ARHGEF38: variants seen among roughly 807,000 people sequenced by gnomAD.
ARHGEF38 encodes the protein Rho guanine nucleotide exchange factor (GEF) 38.
In ARHGEF38, 79 loss-of-function variants were observed where a neutral mutation model predicts 79.9. That is an observed-to-expected ratio of 0.99 (90% confidence interval 0.82 to 1.19). ARHGEF38 has a LOEUF of 1.19. Ranked by LOEUF, ARHGEF38 falls within the 50% of genes most tolerant of loss-of-function variation. The pLI is 0.00. For synonymous variants in ARHGEF38, 366 were observed against 328.3 expected (o/e 1.11, Z -1.24); for missense variants, 962 against 907.2 (o/e 1.06, Z -0.78).
chr4:105,578,080 T>C (rs890353119), intron 1 of ARHGEF38, among the ~76,000 whole-genome samples: 21 of 152,174 alleles, frequency 1.4e-4, no homozygotes, highest in African/African-American at 4.8e-4. Flanking sequence ...ACTTTCCTTT[T>C]AGTGTTCCTT....
chr4:105,644,347 A>G (rs569686125), intron 5 of ARHGEF38, among the ~76,000 whole-genome samples: 1 of 152,328 alleles, frequency 6.6e-6, no homozygotes, highest in African/African-American at 2.4e-5. Context: ...TCTACAGTGT[A>G]TCTTTATTGG....
intron 1 of ARHGEF38, among the ~76,000 whole-genome samples, chr4:105,565,053 A>G (rs1291840624): frequency 6.6e-6 from 1 of 152,226 alleles, no homozygotes; most frequent in African/African-American, 2.4e-5. Context: ...GAGCCTGTAA[A>G]TTCAAACCAA....
chr4:105,628,434 T>A (rs1037911340), intron 3 of ARHGEF38, among the ~76,000 whole-genome samples: 1 of 152,224 alleles, frequency 6.6e-6, no homozygotes, highest in Admixed American at 6.5e-5. Flanking sequence ...CTGGTTCTGC[T>A]ACTGGGAGGC....
intron 3 of ARHGEF38, among the ~76,000 whole-genome samples, chr4:105,623,784 A>G (rs1469173110): frequency 6.6e-6 from 1 of 152,340 alleles, no homozygotes; most frequent in East Asian, 1.9e-4. Flanking sequence ...GGACACTCTC[A>G]GAAGGGACTC....
chr4:105,582,893 G>A (rs1168001781), intron 1 of ARHGEF38, among the ~76,000 whole-genome samples: 1 of 152,088 alleles, frequency 6.6e-6, no homozygotes, highest in Non-Finnish European at 1.5e-5. Context: ...TCACTATATA[G>A]TGCCCACTTT....
At chr4:105,559,050 G>GA (rs397820180) in intron 1 of ARHGEF38, among the ~76,000 whole-genome samples, 93,354 of 147,386 alleles carry the variant, frequency 0.63, 29,837 homozygotes, top group Non-Finnish European at 0.71. Context: ...CACAGGAAAA[G>GA]AAAAAAAAAA....
intron 1 of ARHGEF38, among the ~76,000 whole-genome samples, chr4:105,581,912 T>C (rs199325): frequency 0.54 from 82,312 of 151,812 alleles, 24,139 homozygotes; most frequent in South Asian, 0.77. Flanking sequence ...ACGCTTGTAA[T>C]CCCAGCACTT....
At chr4:105,575,546 A>G (rs1180235744) in intron 1 of ARHGEF38, among the ~76,000 whole-genome samples, 1 of 152,122 alleles carries the variant, frequency 6.6e-6, no homozygotes, top group East Asian at 1.9e-4. Context: ...TAGATTCTGG[A>G]TATTAGTCCT....
At chr4:105,605,063 G>A (rs1252918173) in intron 2 of ARHGEF38, among the ~76,000 whole-genome samples, 1 of 151,998 alleles carries the variant, frequency 6.6e-6, no homozygotes, top group East Asian at 1.9e-4. Flanking sequence ...GTTTGTCTTT[G>A]GAACATTTCA....
At chr4:105,674,071 G>A (rs1731042731) in intron 13 of ARHGEF38, among the ~76,000 whole-genome samples, 1 of 152,128 alleles carries the variant, frequency 6.6e-6, no homozygotes, top group Non-Finnish European at 1.5e-5. Flanking sequence ...ATTCAGTGAA[G>A]TCAGGTAATG....
intron 1 of ARHGEF38, among the ~76,000 whole-genome samples, chr4:105,587,821 A>G (rs1727130930): frequency 6.6e-6 from 1 of 152,134 alleles, no homozygotes; most frequent in Non-Finnish European, 1.5e-5. Flanking sequence ...GTGGTTTTGG[A>G]TGCTATTTGT....
chr4:105,576,347 T>C (rs1726497513), intron 1 of ARHGEF38, among the ~76,000 whole-genome samples: 4 of 152,102 alleles, frequency 2.6e-5, no homozygotes, highest in Admixed American at 2.6e-4. Flanking sequence ...TAGTTCTCTT[T>C]GTAGAGAATT....
At chr4:105,613,075 A>C (rs1459890985) in intron 2 of ARHGEF38, among the ~76,000 whole-genome samples, 1 of 152,172 alleles carries the variant, frequency 6.6e-6, no homozygotes, top group Non-Finnish European at 1.5e-5. Flanking sequence ...ACACTAGTAC[A>C]TATCCTCATA....
At position 105,667,434 on chromosome 4, in the gene ARHGEF38, T is replaced by A; in HGVS notation, c.1889-10T>A. On this transcript the variant is annotated splice_polypyrimidine_tract_variant and intron_variant, in intron 12 of 13. Coordinates refer to ENST00000420470, the MANE Select transcript of ARHGEF38 (RefSeq NM_001242729.2). ...AACTTGGTTCTTCTTTCTTTTTATT[T>A]CCTATCCAGATGTGAAAGGATATGT... is the stretch of plus-strand genomic sequence containing the variant. The A allele has an allele frequency of 6.5e-7, 1 of 1,535,538 alleles. No homozygotes were observed. The highest frequency in any genetic ancestry group is 1.2e-5 in the South Asian group (1 of 84,014).
At chr4:105,633,720 A>G (rs1043231339) in intron 4 of ARHGEF38, among the ~76,000 whole-genome samples, 1 of 152,208 alleles carries the variant, frequency 6.6e-6, no homozygotes, top group Admixed American at 6.6e-5. Flanking sequence ...ATTTAATAAG[A>G]GTGCTAAATA....
rs924211802 is a variant in ARHGEF38, at chr4:105,664,937, C to A, written c.1546-1240C>A. Among the ~76,000 whole-genome samples the A allele has an allele frequency of 2.0e-5, 3 of 152,070 alleles. No individual in the cohort carries two copies. The East Asian group carries it at 5.8e-4, about 29-fold the overall frequency. Reference sequence around the variant, plus strand: ...CCATTCTAATTTCCTACAGGTGCTCCTTAATGATGGATTGATTGAATCCAT... The same window carrying A: ...CCATTCTAATTTCCTACAGGTGCTCATTAATGATGGATTGATTGAATCCAT... On this transcript the variant is annotated intron_variant, in intron 10 of 13. Coordinates refer to ENST00000420470, the MANE Select transcript of ARHGEF38 (RefSeq NM_001242729.2).
chr4:105,619,912 G>A (rs1302020390), intron 3 of ARHGEF38, among the ~76,000 whole-genome samples: 1 of 152,164 alleles, frequency 6.6e-6, no homozygotes, highest in Non-Finnish European at 1.5e-5. Context: ...AAAAGCACAG[G>A]TGTCCCATTT....
At chr4:105,666,631 C>T (rs1334354769) in intron 11 of ARHGEF38, among the ~76,000 whole-genome samples, 1 of 152,108 alleles carries the variant, frequency 6.6e-6, no homozygotes, top group Non-Finnish European at 1.5e-5. Context: ...ATAGTCCAGA[C>T]ATTTCCTTTT....
At chr4:105,584,534 T>C (rs1726939066) in intron 1 of ARHGEF38, among the ~76,000 whole-genome samples, 3 of 152,144 alleles carry the variant, frequency 2.0e-5, no homozygotes, top group Admixed American at 2.0e-4. Flanking sequence ...TCTGAGGTAA[T>C]AGATCTAATA....
Sources: gnomAD v4.1 joint callset for allele counts (sites outside exome capture counted in the v4.1 genomes callset) on GRCh38, gnomAD v4.1.1 for gene constraint, MANE v1.5 for transcripts, NCBI Gene and HGNC (gene_info 2026-07-23, HGNC 2026-07-21) for gene names.